The following DPP6 variants were observed in gnomAD, a reference collection of about 807,000 sequenced individuals.
DPP6 encodes A-type potassium channel modulatory protein DPP6.
Under a neutral mutation model 122.6 loss-of-function variants are expected in DPP6, and 69 were observed. That is an observed-to-expected ratio of 0.56 (90% CI 0.46 to 0.69). The LOEUF is 0.69. DPP6 is among the 30% of genes least tolerant of loss of function. The probability of loss-of-function intolerance (pLI) is 0.00; values close to 1 mark genes in which losing one functional copy is unlikely to be tolerated. For missense variants in DPP6, 928 were observed against 1,116.9 expected (o/e 0.83, Z 2.41); for synonymous variants, 418 against 433.1 (o/e 0.97, Z 0.43).
At chr7:153,972,150 T>C (rs1796051396) in intron 1 of DPP6, among the ~76,000 whole-genome samples, 2 of 151,306 alleles carry the variant, frequency 1.3e-5, no homozygotes, top group Non-Finnish European at 1.5e-5. Flanking sequence ...CTTGTGTCTC[T>C]GATTTCATGA....
intron 1 of DPP6, among the ~76,000 whole-genome samples, chr7:154,066,200 C>T (rs906546917): frequency 1.3e-5 from 2 of 152,034 alleles, no homozygotes; most frequent in Admixed American, 6.6e-5. Flanking sequence ...GCTGGGATTA[C>T]AGGCACACAC....
At chr7:153,790,702 A>G in the DPP6 span, among the ~76,000 whole-genome samples, 3 of 152,220 alleles carry the variant, frequency 2.0e-5, no homozygotes, top group African/African-American at 7.2e-5. Context: ...AAGAATGTAA[A>G]GTATGTGAAC....
the DPP6 span, among the ~76,000 whole-genome samples, chr7:153,750,893 T>G: frequency 3.0e-3 from 464 of 152,334 alleles, no homozygotes; most frequent in African/African-American, 0.011. Flanking sequence ...GTTCCTTTTC[T>G]CAAAGAAGAA....
intron 1 of DPP6, among the ~76,000 whole-genome samples, chr7:154,346,157 G>C (rs919394602): frequency 6.6e-6 from 1 of 152,096 alleles, no homozygotes; most frequent in Non-Finnish European, 1.5e-5. Flanking sequence ...GAAATTATTT[G>C]CGAGTATATC....
At chr7:153,973,210 C>G (rs1056843030) in intron 1 of DPP6, among the ~76,000 whole-genome samples, 13 of 152,078 alleles carry the variant, frequency 8.5e-5, no homozygotes, top group African/African-American at 3.1e-4. Context: ...TTTATTTAAG[C>G]ATTCATTCTT....
At chr7:154,883,935 C>T (rs1805778968) in intron 21 of DPP6, 1 of 141,220 alleles carries the variant, frequency 7.1e-6, no homozygotes, top group Admixed American at 7.1e-5. Flanking sequence ...CACATACACA[C>T]GAGTACATAC....
At chr7:153,987,336 A>G (rs1294557500) in intron 1 of DPP6, among the ~76,000 whole-genome samples, 1 of 152,216 alleles carries the variant, frequency 6.6e-6, no homozygotes, top group Admixed American at 6.5e-5. Context: ...CTTACGTTGA[A>G]TCACTGGCTC....
chr7:153,952,741 T>A (rs1278502399), intron 1 of DPP6, among the ~76,000 whole-genome samples: 1 of 152,212 alleles, frequency 6.6e-6, no homozygotes, highest in Admixed American at 6.5e-5. Context: ...CTCAGCTAAA[T>A]CTCTAGGTCA....
At chr7:153,926,925 C>T (rs1585043369) in intron 1 of DPP6, among the ~76,000 whole-genome samples, 1 of 152,128 alleles carries the variant, frequency 6.6e-6, no homozygotes, top group East Asian at 1.9e-4. Context: ...ATACACACAC[C>T]TACACATTCA....
chr7:154,497,520 A>C (rs1259251223), intron 3 of DPP6, among the ~76,000 whole-genome samples: 1 of 152,000 alleles, frequency 6.6e-6, no homozygotes, highest in African/African-American at 2.4e-5. Context: ...GAGGCAGGAC[A>C]ATCATTTGAA....
chr7:154,474,660 G>C (rs1302835315), intron 2 of DPP6, among the ~76,000 whole-genome samples: 2 of 152,150 alleles, frequency 1.3e-5, no homozygotes, highest in Non-Finnish European at 2.9e-5. Flanking sequence ...AATCCTGAAA[G>C]AATTATTTAC....
intron 2 of DPP6, among the ~76,000 whole-genome samples, chr7:154,446,715 G>A (rs1586297274): frequency 6.6e-6 from 1 of 152,264 alleles, no homozygotes; most frequent in East Asian, 1.9e-4. Flanking sequence ...CTAAGGAGAA[G>A]GTGCTAAATA....
At chr7:154,799,166 T>C (rs1382322264) in intron 12 of DPP6, among the ~76,000 whole-genome samples, 1 of 152,084 alleles carries the variant, frequency 6.6e-6, no homozygotes, top group Non-Finnish European at 1.5e-5. Flanking sequence ...CAGAGGTGAG[T>C]TGTAGCGAGC....
intron 1 of DPP6, among the ~76,000 whole-genome samples, chr7:153,925,250 A>G (rs1043913395): frequency 2.0e-5 from 3 of 152,156 alleles, no homozygotes; most frequent in African/African-American, 4.8e-5. Context: ...AAGGGAGACT[A>G]TCTGCATGGT....
At chr7:154,187,241 TA>T (rs1304663968) in intron 1 of DPP6, among the ~76,000 whole-genome samples, 5 of 152,236 alleles carry the variant, frequency 3.3e-5, no homozygotes, top group African/African-American at 9.6e-5. Context: ...ATGGTTTTGG[TA>T]GTCTCTATTT....
chr7:154,443,006 A>T (rs754284451), intron 1 of DPP6, among the ~76,000 whole-genome samples: 22 of 152,108 alleles, frequency 1.4e-4, no homozygotes, highest in South Asian at 2.1e-4. Flanking sequence ...AGGTAAGCCG[A>T]AGCCTGCACC....
intron 1 of DPP6, among the ~76,000 whole-genome samples, chr7:154,313,576 A>G (rs1396490407): frequency 6.6e-6 from 1 of 150,998 alleles, no homozygotes; most frequent in East Asian, 1.9e-4. Flanking sequence ...ATGTTTTGAT[A>G]GGTGAAAAAA....
chr7:154,596,781 G>A (rs138851224), intron 5 of DPP6, among the ~76,000 whole-genome samples: 1 of 152,302 alleles, frequency 6.6e-6, no homozygotes, highest in African/African-American at 2.4e-5. Context: ...GACAAATGAG[G>A]CGAATCTGAA....
intron 1 of DPP6, among the ~76,000 whole-genome samples, chr7:154,139,927 G>A: frequency 6.6e-6 from 1 of 152,200 alleles, no homozygotes; most frequent in Non-Finnish European, 1.5e-5. Flanking sequence ...TGGGAAAGGA[G>A]AAACAGATAA....
Sources: gnomAD v4.1 joint callset for allele counts (sites outside exome capture counted in the v4.1 genomes callset) on GRCh38, gnomAD v4.1.1 for gene constraint, MANE v1.5 for transcripts, NCBI Gene and HGNC (gene_info 2026-07-23, HGNC 2026-07-21) for gene names.